The following KCNQ2 variants were observed in gnomAD, a reference collection of about 807,000 sequenced individuals.
KCNQ2 encodes the protein potassium voltage-gated channel subfamily KQT member 2.
A neutral mutation model predicts 84.8 loss-of-function variants in KCNQ2; 14 were observed. That is an observed-to-expected ratio of 0.17 (90% CI 0.11 to 0.26). The LOEUF (loss-of-function observed/expected upper bound fraction) is 0.26. KCNQ2 is among the 10% of genes least tolerant of loss of function. The pLI, the probability that KCNQ2 is intolerant of heterozygous loss-of-function variation, is 1.00. For missense variants in KCNQ2, 788 were observed against 1,254.0 expected (o/e 0.63, Z 5.61); for synonymous variants, 599 against 554.1 (o/e 1.08, Z -1.14).
At chr20:63,450,994 C>G (rs1205773284) in intron 1 of KCNQ2, among the ~76,000 whole-genome samples, 1 of 152,022 alleles carries the variant, frequency 6.6e-6, no homozygotes, top group South Asian at 2.1e-4. Flanking sequence ...AAAAATTAGC[C>G]AGGCATGGTG....
chr20:63,450,882 A>G (rs1309791273), intron 1 of KCNQ2, among the ~76,000 whole-genome samples: 4 of 152,134 alleles, frequency 2.6e-5, no homozygotes, highest in African/African-American at 9.7e-5. Flanking sequence ...CGGCTCACGC[A>G]TCAGCACTTC....
In KCNQ2 at chr20:63,408,234, GC is replaced by G; in HGVS notation, c.1887+178del. The G allele has an allele frequency of 1.3e-6, 1 of 778,574 alleles. No individual in the cohort carries two copies. Among genetic ancestry groups the G allele is most frequent in the Non-Finnish European group, 2.0e-6 (1 of 492,780 alleles). 48.2% of individuals were successfully genotyped at this position (778,574 alleles called of 1,614,324 possible). On this transcript the variant is annotated intron_variant, in intron 16 of 16. Transcript: ENST00000359125. The surrounding 1 kb of genome is among the most constrained non-coding windows in gnomAD (Gnocchi z 5.0). Reference sequence around the variant, plus strand: ...AAGGCACCCAGGCCGGGGGTGGGAGGCTCACGGTGGGGTGTGAGGGGTCTGC... The same window carrying G: ...AAGGCACCCAGGCCGGGGGTGGGAGGTCACGGTGGGGTGTGAGGGGTCTGC...
At position 63,406,911 on chromosome 20, in the gene KCNQ2, G is replaced by A. The variant is rs752646626; in HGVS notation, c.2352C>T (p.Ser784=). The A allele has an allele frequency of 1.4e-5, 22 of 1,609,690 alleles. No individual in the cohort carries two copies. The highest frequency in any genetic ancestry group is 2.7e-5 in the African/African-American group (2 of 74,906). Residue 784 remains serine (S), a synonymous_variant, in exon 17 of 17, where the codon AGC becomes AGT. Transcript: ENST00000359125. ...CRPPEGNLRD[S]DTSISIPSVD... ...CGGACGGGATGGAGATGGACGTGTC[G>A]CTGTCCCGCAGGTTCCCCTCGGGGG...
At chr20:63,417,662 C>A (rs1295948424) in intron 12 of KCNQ2, among the ~76,000 whole-genome samples, 1 of 152,250 alleles carries the variant, frequency 6.6e-6, no homozygotes, top group Admixed American at 6.5e-5. Context: ...CACAGACGTG[C>A]GGGCCAGGAA....
intron 8 of KCNQ2, chr20:63,433,429 T>C (rs930894667): frequency 2.5e-5 from 11 of 445,002 alleles, no homozygotes; most frequent in African/African-American, 2.0e-4. Flanking sequence ...CTGGTTCCAC[T>C]CTTGAAGCTT....
chr20:63,436,457 G>C (rs1260629508), intron 7 of KCNQ2, among the ~76,000 whole-genome samples: 2 of 152,012 alleles, frequency 1.3e-5, no homozygotes, highest in East Asian at 3.9e-4. Flanking sequence ...CAGGAACCAG[G>C]GAGGTGGAGC....
chr20:63,437,956 C>T (rs1306204525), intron 7 of KCNQ2, among the ~76,000 whole-genome samples: 1 of 152,148 alleles, frequency 6.6e-6, no homozygotes, highest in Non-Finnish European at 1.5e-5. Flanking sequence ...ATTACAGACG[C>T]ACGCCACCAC....
chr20:63,434,496 G>C (rs1189954698), intron 7 of KCNQ2: 1 of 152,908 alleles, frequency 6.5e-6, no homozygotes, highest in Non-Finnish European at 1.5e-5. Flanking sequence ...CACTTCAGTA[G>C]CGCCTGCACA....
intron 12 of KCNQ2, among the ~76,000 whole-genome samples, chr20:63,419,115 C>A (rs887414463): frequency 1.6e-4 from 25 of 151,754 alleles, no homozygotes; most frequent in African/African-American, 5.8e-4. Context: ...TTCCACCTGC[C>A]CTAAACCAGG....
At chr20:63,415,719 C>T (rs1179238134) in intron 12 of KCNQ2, among the ~76,000 whole-genome samples, 1 of 152,172 alleles carries the variant, frequency 6.6e-6, no homozygotes, top group Non-Finnish European at 1.5e-5. Flanking sequence ...GCCAGCCCCT[C>T]ACCCAGTGAC....
At chr20:63,464,075 G>C (rs1457486598) in intron 1 of KCNQ2, among the ~76,000 whole-genome samples, 1 of 152,108 alleles carries the variant, frequency 6.6e-6, no homozygotes, top group Non-Finnish European at 1.5e-5. Context: ...ACCTAATTTT[G>C]TTCAAGCTGG....
intron 1 of KCNQ2, chr20:63,447,576 T>C (rs970159005): frequency 2.7e-5 from 4 of 148,466 alleles, no homozygotes; most frequent in Non-Finnish European, 6.0e-5. Flanking sequence ...CCCAAATGCA[T>C]GTGGGTATTT....
At chr20:63,444,994 T>C (rs1461625814) in intron 3 of KCNQ2, among the ~76,000 whole-genome samples, 160 bp from the exon 4 acceptor site, 1 of 152,180 alleles carries the variant, frequency 6.6e-6, no homozygotes, top group Non-Finnish European at 1.5e-5. Flanking sequence ...AGGACATTAC[T>C]ATCGTCCACC....
At chr20:63,471,487 G>T (rs1285958995) in intron 1 of KCNQ2, among the ~76,000 whole-genome samples, 1 of 152,102 alleles carries the variant, frequency 6.6e-6, no homozygotes, top group East Asian at 1.9e-4. Context: ...GCCAAGGAGG[G>T]GTCCTGAGCC....
At position 63,402,395 on chromosome 20, in the gene KCNQ2, ACAAGGGCGTTTCTG is replaced by A. The variant is rs2079829428; in HGVS notation, c.*4235_*4248del. Reference sequence around the variant, plus strand: ...GCATTCATAGCTCAGGAGGGCGGGGACAAGGGCGTTTCTGCAAAGCTCTCACAGCTCCTTCTGCT... The same window carrying A: ...GCATTCATAGCTCAGGAGGGCGGGGACAAAGCTCTCACAGCTCCTTCTGCT... On this transcript the variant is annotated 3_prime_UTR_variant, in exon 17 of 17. Transcript: ENST00000359125. The A allele has an allele frequency of 6.6e-6, 1 of 152,606 alleles. No individual in the cohort carries two copies. The highest frequency in any genetic ancestry group is 2.4e-5 in the African/African-American group (1 of 41,576). The allele number at this position is 152,606 out of a possible 1,614,324, so 9.5% of individuals were successfully genotyped here.
chr20:63,429,876 CCA>C (rs1339076441), intron 9 of KCNQ2, among the ~76,000 whole-genome samples: 3 of 152,190 alleles, frequency 2.0e-5, no homozygotes, highest in Non-Finnish European at 4.4e-5. Context: ...CTCTGCAGCC[CCA>C]GAGGTGCCCC....
At chr20:63,442,611 A>G (rs1361165755) in intron 4 of KCNQ2, 80 bp from the exon 5 acceptor site, 2 of 1,476,970 alleles carry the variant, frequency 1.4e-6, no homozygotes, top group Non-Finnish European at 1.9e-6. Context: ...CACCACCATC[A>G]CATCAACACC....
In KCNQ2 at chr20:63,414,326, C is replaced by G. The variant is rs1028237558; in HGVS notation, c.1526-133G>C. ...CTCCCTGTGGTGCCCCTCGGGTGCA[C>G]CTGCTTTTCTGGAAACCCACCCATC... On this transcript the variant is annotated intron_variant, in intron 13 of 16. Transcript: ENST00000359125. This position sits in a 1 kb window ranked among gnomAD's most constrained non-coding sequence, Gnocchi z 6.6. 9.5e-5 allele frequency: 63 copies of G among 662,698 alleles called. No individual in the cohort carries two copies. The highest frequency in any genetic ancestry group is 3.3e-4 in the Admixed American group (13 of 38,950). 41.1% of individuals were successfully genotyped at this position (662,698 alleles called of 1,614,324 possible).
chr20:63,411,783 G>A (rs1042479721), intron 15 of KCNQ2: 1 of 646,472 alleles, frequency 1.5e-6, no homozygotes, highest in Non-Finnish European at 2.8e-6. Context: ...ACCTAGGTGA[G>A]TACTGGGGTG....
Sources: gnomAD v4.1 joint callset for allele counts (sites outside exome capture counted in the v4.1 genomes callset) on GRCh38, gnomAD v4.1.1 for gene constraint, Gnocchi (gnomAD v3.1) non-coding constraint, MANE v1.5 for transcripts, NCBI Gene and HGNC (gene_info 2026-07-23, HGNC 2026-07-21) for gene names.